MACROD2: variants seen among roughly 807,000 people sequenced by gnomAD.
MACROD2 encodes the protein ADP-ribose glycohydrolase MACROD2.
In MACROD2, 36 loss-of-function variants were observed where a neutral mutation model predicts 70.4. That is an observed-to-expected ratio of 0.51 (90% CI 0.39 to 0.68). The LOEUF (loss-of-function observed/expected upper bound fraction) is 0.68. Among genes scored for constraint, MACROD2 ranks in the 30% least tolerant of loss-of-function variants. MACROD2 has a pLI of 0.00. For missense variants in MACROD2, 496 were observed against 538.4 expected, an observed-to-expected ratio of 0.92 and a Z score of 0.78; for synonymous variants, 172 against 178.8, an observed-to-expected ratio of 0.96 and a Z score of 0.30.
intron 4 of MACROD2, among the ~76,000 whole-genome samples, chr20:14,522,252 A>C (rs2085177397): frequency 9.2e-6 from 1 of 108,308 alleles, no homozygotes; most frequent in African/African-American, 2.9e-5. Context: ...ATAGGTCCTC[A>C]ACATTAGCAG....
rs553747383 is a variant in MACROD2, at chr20:14,760,358, T to G, written c.418+75399T>G. ...CTGGGGGTATCTGATACTATAAGCA[T>G]ACAGAAATGATGCAGAATTTTATTT... is the stretch of plus-strand genomic sequence containing the variant. On this transcript the variant is annotated intron_variant, in intron 5 of 17. Coordinates refer to ENST00000684519, the MANE Select transcript of MACROD2 (RefSeq NM_001351661.2). Among the ~76,000 whole-genome samples the G allele has an allele frequency of 3.9e-5, 6 of 152,220 alleles. No individual in the cohort carries two copies. In the South Asian group the frequency reaches 1.0e-3, roughly 26 times the overall value.
intron 5 of MACROD2, among the ~76,000 whole-genome samples, chr20:14,937,682 C>T (rs1255493206): frequency 1.3e-5 from 2 of 151,900 alleles, no homozygotes; most frequent in African/African-American, 2.4e-5. Flanking sequence ...CTTTTTAATG[C>T]TAGAAACATT....
chr20:15,344,637 A>T (rs552701706), intron 6 of MACROD2, among the ~76,000 whole-genome samples: 1 of 152,168 alleles, frequency 6.6e-6, no homozygotes, highest in Non-Finnish European at 1.5e-5. Context: ...CTCACAGAGG[A>T]CTGATTTCTG....
intron 3 of MACROD2, among the ~76,000 whole-genome samples, chr20:14,321,705 A>G (rs1171120527): frequency 1.3e-5 from 2 of 152,150 alleles, no homozygotes; most frequent in African/African-American, 2.4e-5. Flanking sequence ...TGAAATTGTC[A>G]TGTTGGCATG....
At chr20:15,137,803 A>G (rs1371998050) in intron 5 of MACROD2, among the ~76,000 whole-genome samples, 2 of 152,132 alleles carry the variant, frequency 1.3e-5, no homozygotes, top group African/African-American at 4.8e-5. Context: ...TGCTACATTA[A>G]TCAATCTTTT....
rs180755761 is a variant in MACROD2, at chr20:15,603,382, C to T, written c.645+103535C>T. Among the ~76,000 whole-genome samples, 11 of 151,714 alleles carry T rather than the reference C, an allele frequency of 7.3e-5. No homozygotes were observed. In the East Asian group the frequency reaches 1.7e-3, roughly 24 times the overall value. ...AATTAGCCAGACATGGTGGTACGCA[C>T]CTGTAGTACCAGCTACTTGGGAAGC... On this transcript the variant is annotated intron_variant, in intron 8 of 17. Coordinates refer to ENST00000684519, the MANE Select transcript of MACROD2 (RefSeq NM_001351661.2).
At chr20:15,338,320 C>T (rs2078070930) in intron 6 of MACROD2, among the ~76,000 whole-genome samples, 1 of 151,678 alleles carries the variant, frequency 6.6e-6, no homozygotes, top group Non-Finnish European at 1.5e-5. Context: ...TCTTCATATG[C>T]TGATGAATTC....
chr20:14,507,629 G>A (rs1258792663), intron 4 of MACROD2, among the ~76,000 whole-genome samples: 3 of 152,018 alleles, frequency 2.0e-5, no homozygotes, highest in Non-Finnish European at 4.4e-5. Context: ...AAATTTCAGA[G>A]AATTATATTA....
At chr20:14,977,303 T>G (rs867715760) in intron 5 of MACROD2, among the ~76,000 whole-genome samples, 5,769 of 147,030 alleles carry the variant, frequency 0.039, 390 homozygotes, top group African/African-American at 0.13. Flanking sequence ...CTTGATTTTT[T>G]TTTTTTTTTT....
At chr20:14,836,037 T>C (rs1218466421) in intron 5 of MACROD2, among the ~76,000 whole-genome samples, 1 of 152,002 alleles carries the variant, frequency 6.6e-6, no homozygotes, top group African/African-American at 2.4e-5. Context: ...CCTTAAATGG[T>C]TACAGAATTC....
At chr20:14,619,080 G>A (rs1983649301) in intron 4 of MACROD2, among the ~76,000 whole-genome samples, 1 of 151,906 alleles carries the variant, frequency 6.6e-6, no homozygotes, top group African/African-American at 2.4e-5. Flanking sequence ...CCAAGGGATT[G>A]GAAAAAGCAA....
intron 3 of MACROD2, among the ~76,000 whole-genome samples, chr20:14,479,677 C>A (rs146950510): frequency 1.3e-4 from 20 of 152,020 alleles, no homozygotes; most frequent in African/African-American, 4.3e-4. Context: ...GGAGGAGGAA[C>A]CAGAAAAAAC....
chr20:14,816,993 T>C (rs751377733), intron 5 of MACROD2, among the ~76,000 whole-genome samples: 1 of 152,138 alleles, frequency 6.6e-6, no homozygotes, highest in Non-Finnish European at 1.5e-5. Flanking sequence ...TATATTAACA[T>C]TATATAAGAA....
intron 3 of MACROD2, among the ~76,000 whole-genome samples, chr20:14,180,058 C>T (rs2081293787): frequency 6.6e-6 from 1 of 152,106 alleles, no homozygotes; most frequent in South Asian, 2.1e-4. Flanking sequence ...AACGCTGTAC[C>T]CATTAAACAA....
At chr20:14,674,857 G>A (rs374480432) in intron 4 of MACROD2, among the ~76,000 whole-genome samples, 26 of 152,106 alleles carry the variant, frequency 1.7e-4, no homozygotes, top group African/African-American at 5.6e-4. Context: ...TTCAATGAGC[G>A]AAGCCTCTTA....
intron 2 of MACROD2, among the ~76,000 whole-genome samples, chr20:14,016,966 C>T (rs780329111): frequency 7.9e-5 from 12 of 152,190 alleles, no homozygotes; most frequent in South Asian, 2.1e-4. Flanking sequence ...ATTTAGAGTT[C>T]CAATCCATGA....
chr20:14,080,442 C>CAAAAAAAA (rs61598345), intron 2 of MACROD2, among the ~76,000 whole-genome samples: 5 of 64,060 alleles, frequency 7.8e-5, no homozygotes, highest in East Asian at 5.2e-4. Context: ...AACCCCGTCT[C>CAAAAAAAA]AAAAAAAAAA....
intron 8 of MACROD2, among the ~76,000 whole-genome samples, chr20:15,835,538 A>G (rs558345902): frequency 6.6e-6 from 1 of 152,288 alleles, no homozygotes; most frequent in African/African-American, 2.4e-5. Context: ...GTAGTAAATT[A>G]GTAATAATAT....
intron 6 of MACROD2, among the ~76,000 whole-genome samples, chr20:15,295,595 T>TCACACA (rs3223712): frequency 0.014 from 2,083 of 148,030 alleles, 46 homozygotes; most frequent in African/African-American, 0.046. Context: ...ATGTCTGTCA[T>TCACACA]CACACACACA....
Sources: allele counts gnomAD v4.1 joint callset (sites outside exome capture counted in the v4.1 genomes callset), GRCh38; gene constraint gnomAD v4.1.1; transcripts MANE v1.5; gene names NCBI Gene and HGNC (gene_info 2026-07-23, HGNC 2026-07-21).